VRK2: variants seen among roughly 807,000 people sequenced by gnomAD.
VRK2 encodes serine/threonine-protein kinase VRK2.
VRK2 carries 60 observed loss-of-function variants against 57.6 expected under a neutral mutation model. The observed-to-expected ratio is 1.04, with a 90% CI of 0.85 to 1.29. The LOEUF (loss-of-function observed/expected upper bound fraction) is 1.29. VRK2 is among the 50% of genes most tolerant of loss of function. VRK2 has a pLI of 0.00. For synonymous variants in VRK2, 231 were observed against 199.2 expected, an observed-to-expected ratio of 1.16 and a Z score of -1.35; for missense variants, 705 against 588.1, an observed-to-expected ratio of 1.20 and a Z score of -2.06.
rs1317563567 is a variant in VRK2, at chr2:58,159,602, T to G, written c.1436T>G (p.Leu479Arg). ...GLWPTISQFT[L>R]SEETNADVYY... ...TGGCCTACAATTTCCCAGTTTACTCTTAGTGAAGAGACAAACGCAGATGTT... is the reference window on the plus strand; with the variant it reads ...TGGCCTACAATTTCCCAGTTTACTCGTAGTGAAGAGACAAACGCAGATGTT... The change falls in exon 13 of 13, where the codon CTT becomes CGT. Residue 479 changes from leucine to arginine, a missense_variant. Transcript: ENST00000340157. 1.9e-6 allele frequency: 3 copies of G among 1,613,754 alleles called. No homozygotes were observed. Among genetic ancestry groups the G allele is most frequent in the Non-Finnish European group, 2.5e-6 (3 of 1,179,816 alleles).
At chr2:58,065,650 G>A (rs905195475) in intron 2 of VRK2, among the ~76,000 whole-genome samples, 1 of 152,018 alleles carries the variant, frequency 6.6e-6, no homozygotes, top group Non-Finnish European at 1.5e-5. Flanking sequence ...AAAAATTGCT[G>A]GGATTTTAAT....
chr2:58,017,505 G>A (rs572705559), intron 1 of VRK2, among the ~76,000 whole-genome samples: 7 of 152,238 alleles, frequency 4.6e-5, no homozygotes, highest in East Asian at 3.9e-4. Context: ...AATTTTCTCC[G>A]CTGGGGCCTC....
intron 1 of VRK2, among the ~76,000 whole-genome samples, chr2:57,968,760 A>G (rs1671998455): frequency 6.6e-6 from 1 of 152,144 alleles, no homozygotes; most frequent in South Asian, 2.1e-4. Context: ...GTGAGTATTG[A>G]TATTAGTTAA....
rs530838407 is a variant in VRK2, at chr2:58,074,375, TG to T, written c.137-9713del. ...GCTTGTTCTTTCTTGGTTTTTTATCTGTTTTTTTTGCCTTCTCTGTTTTTAA... is the reference window on the plus strand; with the variant it reads ...GCTTGTTCTTTCTTGGTTTTTTATCTTTTTTTTTGCCTTCTCTGTTTTTAA... On this transcript the variant is annotated intron_variant, in intron 2 of 12. Coordinates refer to ENST00000340157, the MANE Select transcript of VRK2 (RefSeq NM_006296.7). 2.6e-4 allele frequency among the ~76,000 whole-genome samples: 40 copies of T among 152,238 alleles called. No homozygotes were observed. In the South Asian group the frequency reaches 7.9e-3, roughly 30 times the overall value.
chr2:57,977,626 A>G (rs1380228929), intron 1 of VRK2, among the ~76,000 whole-genome samples: 2 of 151,360 alleles, frequency 1.3e-5, no homozygotes, highest in African/African-American at 4.9e-5. Context: ...AACAGAGTCT[A>G]TGACGTTTTC....
At chr2:58,139,928 T>C (rs1681075436) in intron 11 of VRK2, 96 bp downstream of exon 11, 2 of 1,295,332 alleles carry the variant, frequency 1.5e-6, no homozygotes, top group South Asian at 3.4e-5. Context: ...TCTGACAGCT[T>C]TCTTCTTCCT....
intron 1 of VRK2, among the ~76,000 whole-genome samples, chr2:57,916,992 A>T (rs1332363896): frequency 2.6e-5 from 4 of 151,488 alleles, no homozygotes; most frequent in Non-Finnish European, 5.9e-5. Context: ...AGTACATGAA[A>T]CAAGTATACA....
intron 3 of VRK2, among the ~76,000 whole-genome samples, chr2:58,035,881 A>G (rs951631430): frequency 6.6e-6 from 1 of 152,052 alleles, no homozygotes; most frequent in African/African-American, 2.4e-5. Context: ...TGAGATTACT[A>G]TGTAAAAAAC....
chr2:58,133,436 T>C (rs1391424075), intron 9 of VRK2, among the ~76,000 whole-genome samples: 1 of 152,200 alleles, frequency 6.6e-6, no homozygotes, highest in African/African-American at 2.4e-5. Context: ...TTCAAACTTA[T>C]TATAGTACAT....
intron 1 of VRK2, among the ~76,000 whole-genome samples, chr2:58,007,093 T>C (rs1403949792): frequency 2.0e-5 from 3 of 151,980 alleles, no homozygotes; most frequent in Non-Finnish European, 2.9e-5. Context: ...CTCAGTTCTT[T>C]AGACTAAGAC....
intron 1 of VRK2, among the ~76,000 whole-genome samples, chr2:57,938,463 A>C (rs1454553037): frequency 6.7e-6 from 1 of 149,806 alleles, no homozygotes; most frequent in Non-Finnish European, 1.5e-5. Flanking sequence ...GTACAAGGTG[A>C]TAGGAGATTT....
intron 7 of VRK2, among the ~76,000 whole-genome samples, chr2:58,108,786 C>T (rs1675129861): frequency 1.3e-5 from 2 of 152,136 alleles, no homozygotes; most frequent in East Asian, 1.9e-4. Context: ...GTGCTTATGC[C>T]ATCTCCCTTT....
intron 1 of VRK2, among the ~76,000 whole-genome samples, chr2:58,023,890 T>C (rs534323888): frequency 1.3e-5 from 2 of 152,134 alleles, no homozygotes; most frequent in East Asian, 3.9e-4. Context: ...TACCAAACTA[T>C]CTAAATATAG....
rs148786059 is a variant in VRK2, at chr2:58,062,981, G to A, written c.136+14014G>A. Among the ~76,000 whole-genome samples the A allele has an allele frequency of 6.6e-3, 1,002 of 152,156 alleles. 10 individuals carry two copies. The highest frequency in any genetic ancestry group is 0.023 in the African/African-American group (941 of 41,538). On this transcript the variant is annotated intron_variant, in intron 2 of 12. Transcript: ENST00000340157. ...AGAGAAGTCAATGCCTGGGTTCAAA[G>A]CTTCTAAGGACAGGATGCCTCTCTT...
intron 2 of VRK2, among the ~76,000 whole-genome samples, chr2:58,049,613 G>A (rs1043143315): frequency 2.6e-5 from 4 of 152,156 alleles, no homozygotes; most frequent in African/African-American, 9.7e-5. Context: ...GGATCATTGA[G>A]TTGGAATGAG....
intron 12 of VRK2, among the ~76,000 whole-genome samples, chr2:58,155,807 G>A (rs1338546718): frequency 3.5e-5 from 5 of 142,534 alleles, no homozygotes; most frequent in Non-Finnish European, 7.6e-5. Context: ...GAGAAGTAAG[G>A]TACAGCTTCT....
chr2:58,121,115 A>G (rs897207939), intron 7 of VRK2, among the ~76,000 whole-genome samples: 13 of 152,174 alleles, frequency 8.5e-5, no homozygotes, highest in African/African-American at 3.1e-4. Flanking sequence ...AAGCCACATA[A>G]CCTCACTAAA....
At chr2:58,132,844 C>A (rs1679417768) in intron 9 of VRK2, among the ~76,000 whole-genome samples, 1 of 152,094 alleles carries the variant, frequency 6.6e-6, no homozygotes, top group Admixed American at 6.5e-5. Context: ...ATATATGAAA[C>A]ATTTCTCCAC....
At chr2:57,991,363 T>C (rs1306187222) in intron 1 of VRK2, among the ~76,000 whole-genome samples, 1 of 146,040 alleles carries the variant, frequency 6.8e-6, no homozygotes, top group Non-Finnish European at 1.5e-5. Flanking sequence ...ATGTAAATTA[T>C]ATTTTAGAAA....
Sources: allele counts gnomAD v4.1 joint callset (sites outside exome capture counted in the v4.1 genomes callset), GRCh38; gene constraint gnomAD v4.1.1; transcripts MANE v1.5; gene names NCBI Gene and HGNC (gene_info 2026-07-23, HGNC 2026-07-21).